The following PDE11A variants were observed in gnomAD, a reference collection of about 807,000 sequenced individuals.
PDE11A encodes the protein dual 3',5'-cyclic-AMP and -GMP phosphodiesterase 11A.
PDE11A carries 100 observed loss-of-function variants against 100.5 expected under a neutral mutation model. The observed-to-expected ratio is 1.00, with a 90% CI of 0.85 to 1.18. The LOEUF (loss-of-function observed/expected upper bound fraction) is 1.18. Among genes scored for constraint, PDE11A ranks in the 50% most tolerant of loss-of-function variants. The pLI is 0.00. For missense variants in PDE11A, 1,141 were observed against 1,152.6 expected (o/e 0.99, Z 0.15); for synonymous variants, 381 against 420.8 (o/e 0.91, Z 1.16).
At chr2:177,894,062 T>C (rs1460115805) in intron 4 of PDE11A, among the ~76,000 whole-genome samples, 2 of 152,146 alleles carry the variant, frequency 1.3e-5, no homozygotes, top group Non-Finnish European at 2.9e-5. Context: ...TGATATTGAA[T>C]GTGGGGGCAG....
chr2:177,905,122 T>C lies in PDE11A; in HGVS notation c.1137A>G (p.Ser379=), dbSNP rs2084764278. The C allele has an allele frequency of 2.5e-6, 4 of 1,600,338 alleles. No homozygotes were observed. Among genetic ancestry groups the C allele is most frequent in the East Asian group, 4.5e-5 (2 of 44,782 alleles). The part of the protein sequence containing the change: ...AISNAQLFAA[S]RKEYERSRAL... ...CTCTGCTTCTTTCATATTCTTTCCT[T>C]GAGGCAGCAAAGAGCTGAGCGTTAG... Residue 379 remains serine (S), a synonymous_variant, in exon 3 of 20, where the codon TCA becomes TCG. Coordinates refer to ENST00000286063, the MANE Select transcript of PDE11A (RefSeq NM_016953.4).
chr2:178,002,068 C>T (rs575468236), intron 2 of PDE11A, among the ~76,000 whole-genome samples: 2 of 152,122 alleles, frequency 1.3e-5, no homozygotes, highest in African/African-American at 4.8e-5. Context: ...GCCCCTCTCC[C>T]TCCCTTCCCC....
intron 2 of PDE11A, among the ~76,000 whole-genome samples, chr2:177,947,640 A>G (rs1368436680): frequency 6.6e-6 from 1 of 151,848 alleles, no homozygotes; most frequent in Non-Finnish European, 1.5e-5. Context: ...GGAAGGCCGC[A>G]GGGTCCTCTG....
chr2:177,722,075 A>G (rs1284742875), intron 12 of PDE11A, among the ~76,000 whole-genome samples: 2 of 152,114 alleles, frequency 1.3e-5, no homozygotes, highest in African/African-American at 4.8e-5. Context: ...GTCATAAAAC[A>G]CAAAGCGACA....
At chr2:177,844,639 A>G (rs1045123039) in intron 5 of PDE11A, among the ~76,000 whole-genome samples, 1 of 151,432 alleles carries the variant, frequency 6.6e-6, no homozygotes, top group African/African-American at 2.4e-5. Flanking sequence ...CAGCAGATAA[A>G]CAAGTGAACA....
chr2:178,069,261 A>ATTG (rs2087092233), intron 1 of PDE11A, among the ~76,000 whole-genome samples: 1 of 152,156 alleles, frequency 6.6e-6, no homozygotes, highest in Non-Finnish European at 1.5e-5. Flanking sequence ...ATGGGTGAGG[A>ATTG]AATTGAGGCT....
At chr2:177,744,831 A>G (rs2081925367) in intron 10 of PDE11A, among the ~76,000 whole-genome samples, 1 of 152,192 alleles carries the variant, frequency 6.6e-6, no homozygotes, top group East Asian at 1.9e-4. Context: ...CGGAGCAGAA[A>G]CCATAGGTTT....
intron 6 of PDE11A, among the ~76,000 whole-genome samples, chr2:177,832,554 CATCT>C (rs58916923): frequency 0.093 from 13,569 of 146,306 alleles, 696 homozygotes; most frequent in African/African-American, 0.13. Flanking sequence ...TACTCACATC[CATCT>C]ATCTATCTAT....
rs909468971 is a variant in PDE11A, at chr2:177,962,032, G to C, written c.1071+52270C>G. Among the ~76,000 whole-genome samples the C allele has an allele frequency of 2.9e-5, 4 of 135,688 alleles. No individual in the cohort carries two copies. In the East Asian group the frequency reaches 8.9e-4, roughly 30 times the overall value. The allele number at this position is 135,688 out of a possible 152,430, so 89.0% of individuals were successfully genotyped here. A position where few individuals can be genotyped will look rare whatever the true frequency, so the allele number is the denominator to read the frequency against. The stretch of plus-strand genomic sequence containing the variant: ...AGATCACACTACTGCACTCCAGCCT[G>C]GGTGACAGAGTGAGACACTGTCTCA... On this transcript the variant is annotated intron_variant, in intron 2 of 19. Transcript: ENST00000286063.
intron 2 of PDE11A, among the ~76,000 whole-genome samples, chr2:177,956,148 G>T (rs992833049): frequency 2.0e-5 from 3 of 151,972 alleles, no homozygotes; most frequent in South Asian, 2.1e-4. Flanking sequence ...GAAAATTTTC[G>T]CAACCTACTC....
chr2:178,072,380 C>A lies in PDE11A; in HGVS notation c.58G>T (p.Glu20Ter), dbSNP rs762965490. The change falls in exon 1 of 20, where the codon GAG becomes TAG. Residue 20 changes from glutamate to a stop codon, truncating the protein, a stop_gained. Transcript: ENST00000286063. LOFTEE classifies it high-confidence loss of function. ...CGCATCAAGTAATCTTCAAACAACT[C>A]TGGGTGCCTGTCCAGGAAAGTTTCC... is the stretch of plus-strand genomic sequence containing the variant. ...EVETFLDRHPELFEDYLMRKG... is the reference protein window; with the variant it reads ...EVETFLDRHP 4 of 1,613,892 alleles carry A rather than the reference C, an allele frequency of 2.5e-6. No individual in the cohort carries two copies. The highest frequency in any genetic ancestry group is 3.4e-6 in the Non-Finnish European group (4 of 1,180,040).
intron 6 of PDE11A, among the ~76,000 whole-genome samples, chr2:177,830,338 G>A (rs1419446032): frequency 1.3e-5 from 2 of 152,040 alleles, no homozygotes; most frequent in Admixed American, 6.6e-5. Flanking sequence ...GGTAGCTCAC[G>A]CCTGTAATCC....
chr2:178,104,894 GAACA>G (rs567519469), intron 1 of PDE11A, among the ~76,000 whole-genome samples: 2 of 152,038 alleles, frequency 1.3e-5, no homozygotes, highest in Non-Finnish European at 2.9e-5. Context: ...AATAAGAATA[GAACA>G]AATAGGAAAG....
At chr2:177,708,371 C>G (rs1177482919) in intron 13 of PDE11A, among the ~76,000 whole-genome samples, 1 of 152,110 alleles carries the variant, frequency 6.6e-6, no homozygotes, top group East Asian at 1.9e-4. Context: ...CCTTAGCAAA[C>G]TAATGCAGGA....
intron 9 of PDE11A, among the ~76,000 whole-genome samples, chr2:177,791,346 G>T (rs1225869596): frequency 7.1e-6 from 1 of 141,548 alleles, no homozygotes; most frequent in Non-Finnish European, 1.5e-5. Context: ...ATGAGAACAC[G>T]TGGACACAGG....
chr2:177,823,912 C>T (rs971703751), intron 6 of PDE11A, among the ~76,000 whole-genome samples: 3 of 152,238 alleles, frequency 2.0e-5, no homozygotes, highest in East Asian at 3.9e-4. Context: ...TCCTGTCTAA[C>T]GTTTCCTACG....
chr2:177,730,567 C>T (rs1179784231), intron 10 of PDE11A, among the ~76,000 whole-genome samples: 3 of 146,206 alleles, frequency 2.1e-5, no homozygotes, highest in Non-Finnish European at 4.5e-5. Context: ...TTCCTTTTTG[C>T]TCTGCTTTCT....
intron 1 of PDE11A, among the ~76,000 whole-genome samples, chr2:178,016,792 G>T (rs910736752): frequency 2.6e-5 from 4 of 152,116 alleles, no homozygotes; most frequent in Non-Finnish European, 4.4e-5. Flanking sequence ...AGCTTAATAA[G>T]TTCCAAAAAG....
At chr2:177,991,376 C>T (rs2086002172) in intron 2 of PDE11A, among the ~76,000 whole-genome samples, 1 of 149,758 alleles carries the variant, frequency 6.7e-6, no homozygotes, top group Admixed American at 6.7e-5. Flanking sequence ...TGGCTCACGC[C>T]TGTAATCCCA....
Sources: allele counts gnomAD v4.1 joint callset (sites outside exome capture counted in the v4.1 genomes callset), GRCh38; gene constraint gnomAD v4.1.1; transcripts MANE v1.5; gene names NCBI Gene and HGNC (gene_info 2026-07-23, HGNC 2026-07-21).